The following WDR76 variants were observed in gnomAD, a reference collection of about 807,000 sequenced individuals.
WDR76 encodes the protein WD repeat domain 76.
In WDR76, 52 loss-of-function variants were observed where a neutral mutation model predicts 70.2. The ratio of observed to expected loss-of-function variants is 0.74; its 90% confidence interval spans 0.59 to 0.93. The LOEUF (loss-of-function observed/expected upper bound fraction) is 0.93, where lower values mean the gene tolerates loss of function less well. Among genes scored for constraint, WDR76 ranks in the 40% least tolerant of loss-of-function variants. The pLI, the probability that WDR76 is intolerant of heterozygous loss-of-function variation, is 0.00. For synonymous variants in WDR76, 292 were observed against 271.1 expected (o/e 1.08, Z -0.76); for missense variants, 756 against 760.2 (o/e 0.99, Z 0.07).
chr15:43,861,535 A>G, intron 12 of WDR76, 149 bp downstream of exon 12: 1 of 771,094 alleles, frequency 1.3e-6, no homozygotes, highest in Non-Finnish European at 2.1e-6. Context: ...GCTAGTTCCT[A>G]TCCAGAAGGG....
intron 2 of WDR76, among the ~76,000 whole-genome samples, chr15:43,828,648 T>C (rs1386786706): frequency 6.6e-6 from 1 of 152,228 alleles, no homozygotes; most frequent in Non-Finnish European, 1.5e-5. Context: ...TTTTTGGGTT[T>C]AGTCATACTT....
chr15:43,854,289 G>A (rs2087900645), intron 9 of WDR76, among the ~76,000 whole-genome samples: 1 of 152,196 alleles, frequency 6.6e-6, no homozygotes, highest in Non-Finnish European at 1.5e-5. Context: ...CAAAGAATAG[G>A]TTGGGCATGG....
At chr15:43,844,292 C>G (rs548766472) in intron 8 of WDR76, among the ~76,000 whole-genome samples, 36 of 152,242 alleles carry the variant, frequency 2.4e-4, no homozygotes, top group African/African-American at 8.2e-4. Flanking sequence ...TGCCAGAAAA[C>G]TTTGTTACAC....
intron 3 of WDR76, 59 bp downstream of exon 3, chr15:43,835,209 G>A: frequency 2.0e-6 from 3 of 1,499,028 alleles, no homozygotes; most frequent in Non-Finnish European, 2.8e-6. Flanking sequence ...GGTAGCGCCT[G>A]TAATCCTGTC....
chr15:43,854,701 C>G (rs534010711), intron 9 of WDR76, among the ~76,000 whole-genome samples: 2 of 152,090 alleles, frequency 1.3e-5, no homozygotes, highest in Non-Finnish European at 1.5e-5. Context: ...GTAATCCCAG[C>G]GCTTTGGGAG....
In WDR76 at chr15:43,861,315, ACT is replaced by A. The variant is rs770035901; in HGVS notation, c.1563-13_1563-12del. ...TTTTTAAGTAACAAAAGAATGTCTT[ACT>A]CTCTTTATTTTGCAGAATTTTTGAC... On this transcript the variant is annotated splice_polypyrimidine_tract_variant and intron_variant, in intron 11 of 12. Coordinates refer to ENST00000263795, the MANE Select transcript of WDR76 (RefSeq NM_024908.4). 25 of 1,608,054 alleles carry A rather than the reference ACT, an allele frequency of 1.6e-5. No individual in the cohort carries two copies. Among genetic ancestry groups the A allele is most frequent in the African/African-American group, 2.7e-5 (2 of 74,712 alleles).
intron 11 of WDR76, among the ~76,000 whole-genome samples, chr15:43,859,844 C>G (rs1416791735): frequency 6.6e-6 from 1 of 152,240 alleles, no homozygotes; most frequent in Admixed American, 6.5e-5. Flanking sequence ...CAGCAAACCA[C>G]ACTAGAAAAG....
chr15:43,860,910 C>CT (rs34504509), intron 11 of WDR76, among the ~76,000 whole-genome samples: 2,404 of 78,994 alleles, frequency 0.03, 484 homozygotes, highest in African/African-American at 0.043. Context: ...TGATCTTACT[C>CT]TTTTTTTTTT....
intron 2 of WDR76, among the ~76,000 whole-genome samples, chr15:43,832,609 G>A (rs751930832): frequency 2.0e-4 from 30 of 151,670 alleles, no homozygotes; most frequent in Non-Finnish European, 3.8e-4. Flanking sequence ...CCATGCCTGG[G>A]TAATTTTTGT....
chr15:43,831,026 C>T (rs367848836), intron 2 of WDR76, among the ~76,000 whole-genome samples: 14 of 150,350 alleles, frequency 9.3e-5, no homozygotes, highest in African/African-American at 2.9e-4. Context: ...CCAGCCTGGG[C>T]GACAGAGCGA....
chr15:43,855,173 A>G (rs946277767), intron 9 of WDR76, among the ~76,000 whole-genome samples: 6 of 152,154 alleles, frequency 3.9e-5, no homozygotes, highest in Admixed American at 6.5e-5. Context: ...CGTTCATGCT[A>G]TTGCATATAT....
chr15:43,852,022 A>G (rs969532109), intron 9 of WDR76, among the ~76,000 whole-genome samples: 1 of 152,200 alleles, frequency 6.6e-6, no homozygotes. Flanking sequence ...GTGATCACAT[A>G]CATCATTGCA....
chr15:43,841,226 G>A (rs1238265113), intron 5 of WDR76, among the ~76,000 whole-genome samples: 7 of 137,224 alleles, frequency 5.1e-5, no homozygotes, highest in Admixed American at 1.5e-4. Context: ...TTTTTGAGAC[G>A]GAGTCTCAAT....
rs926368352 is a variant in WDR76 at position 43,868,226 on chromosome 15, G to C, written c.*1834G>C. ...TCAGGAAACATCGTAAAGGCTTTAGGCTCCCTTTTTCATTTCTATACCAAT... is the reference window on the plus strand; with the variant it reads ...TCAGGAAACATCGTAAAGGCTTTAGCCTCCCTTTTTCATTTCTATACCAAT... On this transcript the variant is annotated 3_prime_UTR_variant, in exon 13 of 13. Coordinates refer to ENST00000263795, the MANE Select transcript of WDR76 (RefSeq NM_024908.4). 1.3e-5 allele frequency: 2 copies of C among 152,132 alleles called. No individual in the cohort carries two copies. Among genetic ancestry groups the C allele is most frequent in the Non-Finnish European group, 2.9e-5 (2 of 68,032 alleles). 9.4% of individuals were successfully genotyped at this position (152,132 alleles called of 1,614,324 possible). A position where few individuals can be genotyped will look rare whatever the true frequency, so the allele number is the denominator to read the frequency against.
intron 8 of WDR76, among the ~76,000 whole-genome samples, chr15:43,848,420 G>T (rs1387703664): frequency 1.3e-5 from 2 of 152,140 alleles, no homozygotes; most frequent in Non-Finnish European, 2.9e-5. Flanking sequence ...CAAATCCTGA[G>T]AATTTTCTAT....
chr15:43,829,596 T>C (rs2087561890), intron 2 of WDR76, among the ~76,000 whole-genome samples: 1 of 136,822 alleles, frequency 7.3e-6, no homozygotes, highest in Non-Finnish European at 1.5e-5. Flanking sequence ...AAGCTCCTCC[T>C]CCCGGGTTCA....
At chr15:43,851,790 C>G (rs2087863121) in intron 9 of WDR76, among the ~76,000 whole-genome samples, 1 of 152,140 alleles carries the variant, frequency 6.6e-6, no homozygotes, top group African/African-American at 2.4e-5. Context: ...AAAATATTAG[C>G]TGAGCTTGGT....
rs374524376 is a variant in WDR76 at position 43,830,620 on chromosome 15, A to T, written c.462+2254A>T. On this transcript the variant is annotated intron_variant, in intron 2 of 12. Transcript: ENST00000263795. ...ACAAGGTAAATATAAAGCAGATTTT[A>T]GTTTGATGTAATGAAATAGGTCCAT... Among the ~76,000 whole-genome samples the T allele has an allele frequency of 1.3e-4, 19 of 151,590 alleles. No homozygotes were observed. In the South Asian group the frequency reaches 2.1e-3, roughly 17 times the overall value.
At chr15:43,852,662 T>C (rs1298489184) in intron 9 of WDR76, among the ~76,000 whole-genome samples, 1 of 151,950 alleles carries the variant, frequency 6.6e-6, no homozygotes, top group African/African-American at 2.4e-5. Flanking sequence ...AGCCACTGTG[T>C]GTGGTCAGAT....
Sources: gnomAD v4.1 joint callset for allele counts (sites outside exome capture counted in the v4.1 genomes callset) on GRCh38, gnomAD v4.1.1 for gene constraint, MANE v1.5 for transcripts, NCBI Gene and HGNC (gene_info 2026-07-23, HGNC 2026-07-21) for gene names.